MVB12B: variants seen among roughly 807,000 people sequenced by gnomAD.
The protein encoded by MVB12B is ESCRT-I complex subunit MVB12B.
A neutral mutation model predicts 41.6 loss-of-function variants in MVB12B; 16 were observed. The ratio of observed to expected loss-of-function variants is 0.38; its 90% confidence interval spans 0.26 to 0.58. The LOEUF (loss-of-function observed/expected upper bound fraction) is 0.58, where lower values mean the gene tolerates loss of function less well. Among genes scored for constraint, MVB12B ranks in the 20% least tolerant of loss-of-function variants. The pLI is 0.62. For synonymous variants in MVB12B, 133 were observed against 139.7 expected (o/e 0.95, Z 0.34); for missense variants, 274 against 380.2 (o/e 0.72, Z 2.32).
chr9:126,371,414 C>G (rs1370685656), intron 2 of MVB12B, among the ~76,000 whole-genome samples: 1 of 152,254 alleles, frequency 6.6e-6, no homozygotes, highest in African/African-American at 2.4e-5. Flanking sequence ...GAACTGTCTT[C>G]CCTGCCTGGC....
At chr9:126,409,387 TTGAG>T (rs771243850) in intron 6 of MVB12B, among the ~76,000 whole-genome samples, 5 of 151,208 alleles carry the variant, frequency 3.3e-5, no homozygotes, top group African/African-American at 2.4e-5. Flanking sequence ...CGGTGTTACT[TTGAG>T]TGAGTTTTAT....
chr9:126,474,841 T>C lies in MVB12B; in HGVS notation c.758-6528T>C, dbSNP rs1386890846. On this transcript the variant is annotated intron_variant, in intron 7 of 9. Transcript: ENST00000361171. The stretch of plus-strand genomic sequence containing the variant: ...TCTCCTTTCCCTCACATGGTCTGGC[T>C]TCAGGTTCCCTCACCACTCTGGCCT... Among the ~76,000 whole-genome samples the C allele has an allele frequency of 3.3e-5, 5 of 152,166 alleles. 1 individual carries two copies. Among genetic ancestry groups the C allele is most frequent in the African/African-American group, 1.2e-4 (5 of 41,436 alleles).
intron 7 of MVB12B, among the ~76,000 whole-genome samples, chr9:126,447,864 G>T (rs1832813744): frequency 6.6e-6 from 1 of 152,172 alleles, no homozygotes; most frequent in Non-Finnish European, 1.5e-5. Flanking sequence ...AGGCCATGAA[G>T]GTTTATGACG....
At chr9:126,357,842 AT>A (rs912478164) in intron 2 of MVB12B, among the ~76,000 whole-genome samples, 1 of 151,500 alleles carries the variant, frequency 6.6e-6, no homozygotes, top group East Asian at 1.9e-4. Flanking sequence ...AGTCTAGTTT[AT>A]TTTTTTTCTT....
chr9:126,445,079 A>G (rs1295180972), intron 7 of MVB12B, among the ~76,000 whole-genome samples: 1 of 152,220 alleles, frequency 6.6e-6, no homozygotes, highest in African/African-American at 2.4e-5. Flanking sequence ...TTAAGTTCCA[A>G]GGAAAATACT....
intron 7 of MVB12B, among the ~76,000 whole-genome samples, chr9:126,427,403 G>A (rs1832212209): frequency 6.6e-6 from 1 of 152,104 alleles, no homozygotes; most frequent in South Asian, 2.1e-4. Context: ...GCTCACAGCT[G>A]CCCCAGAGGC....
At chr9:126,399,621 G>A (rs1027221894) in intron 6 of MVB12B, among the ~76,000 whole-genome samples, 2 of 152,180 alleles carry the variant, frequency 1.3e-5, no homozygotes, top group African/African-American at 4.8e-5. Flanking sequence ...GCTGCTGCTG[G>A]GACAGAGGTT....
chr9:126,381,179 T>C lies in MVB12B; in HGVS notation c.312+8T>C. The stretch of plus-strand genomic sequence containing the variant: ...TCATTTTCCAAAGAAAATGTAAGTC[T>C]AGTCGTAGTTTCCATTTGCTGAGTG... On this transcript the variant is annotated splice_region_variant and intron_variant, in intron 3 of 9. Coordinates refer to ENST00000361171, the MANE Select transcript of MVB12B (RefSeq NM_033446.3). 6.3e-7 allele frequency: 1 copy of C among 1,587,364 alleles called. No homozygotes were observed. The highest frequency in any genetic ancestry group is 8.6e-7 in the Non-Finnish European group (1 of 1,156,270).
intron 7 of MVB12B, among the ~76,000 whole-genome samples, chr9:126,430,664 G>A (rs1177226371): frequency 2.0e-5 from 3 of 151,394 alleles, no homozygotes; most frequent in East Asian, 2.0e-4. Flanking sequence ...AACAGTCACC[G>A]AGAGCTGCCC....
chr9:126,488,534 C>G (rs1182892481), intron 9 of MVB12B, among the ~76,000 whole-genome samples: 1 of 152,132 alleles, frequency 6.6e-6, no homozygotes, highest in Non-Finnish European at 1.5e-5. Flanking sequence ...TGCTTCCCTT[C>G]AGGATCCCTC....
chr9:126,497,593 C>T (rs775749019), intron 9 of MVB12B, among the ~76,000 whole-genome samples: 5 of 152,146 alleles, frequency 3.3e-5, no homozygotes, highest in Non-Finnish European at 7.4e-5. Flanking sequence ...TACAGGGCCT[C>T]GCTTTCAAAG....
At chr9:126,499,951 C>A (rs1013768593) in intron 9 of MVB12B, among the ~76,000 whole-genome samples, 1 of 152,020 alleles carries the variant, frequency 6.6e-6, no homozygotes, top group South Asian at 2.1e-4. Flanking sequence ...CTCCTGGCCA[C>A]AGAGACTGGG....
rs1831099260 is a variant in MVB12B at position 126,395,898 on chromosome 9, T to C, written c.662+201T>C. ...CATGAATGCAAAGGCCATTCTATAG[T>C]CTATTTTGTGCGTGTTCTGCAGGCT... On this transcript the variant is annotated intron_variant, in intron 6 of 9. Coordinates refer to ENST00000361171, the MANE Select transcript of MVB12B (RefSeq NM_033446.3). The surrounding 1 kb of genome is among the most constrained non-coding windows in gnomAD (Gnocchi z 4.9). 1 of 1,396,402 alleles carries C rather than the reference T, an allele frequency of 7.2e-7. No homozygotes were observed. The highest frequency in any genetic ancestry group is 9.3e-7 in the Non-Finnish European group (1 of 1,078,638). 86.5% of individuals were successfully genotyped at this position (1,396,402 alleles called of 1,614,324 possible).
intron 7 of MVB12B, among the ~76,000 whole-genome samples, chr9:126,471,442 T>G (rs1265827931): frequency 1.3e-5 from 2 of 152,192 alleles, no homozygotes; most frequent in Non-Finnish European, 2.9e-5. Context: ...GGCTGATAAA[T>G]CACTCCTTTT....
chr9:126,406,821 CCTTT>C lies in MVB12B; in HGVS notation c.662+11128_662+11131del, dbSNP rs373409748. On this transcript the variant is annotated intron_variant, in intron 6 of 9. Transcript: ENST00000361171. ...TTGCTGTGGCTATGAAAGTTAGTTT[CCTTT>C]CTTCATCTTTTTTTTTTTATTAAGT... 1.9e-3 allele frequency among the ~76,000 whole-genome samples: 292 copies of C among 151,430 alleles called. 2 individuals carry two copies. In the Middle Eastern group the frequency reaches 0.034, roughly 18 times the overall value.
intron 7 of MVB12B, among the ~76,000 whole-genome samples, chr9:126,474,107 G>C (rs1469170874): frequency 6.6e-6 from 1 of 152,188 alleles, no homozygotes; most frequent in Non-Finnish European, 1.5e-5. Context: ...AGTGCAGACT[G>C]GTCAGGCAGC....
rs142356117 is a variant in MVB12B at position 126,496,589 on chromosome 9, C to T, written c.874-6588C>T. Reference sequence around the variant, plus strand: ...ATAGAAAGTGTTGTTGTGGTCCGTTCTCCCCGGGGAAGGAACACGCTTCCC... The same window carrying T: ...ATAGAAAGTGTTGTTGTGGTCCGTTTTCCCCGGGGAAGGAACACGCTTCCC... On this transcript the variant is annotated intron_variant, in intron 9 of 9. Transcript: ENST00000361171. 9.4e-3 allele frequency among the ~76,000 whole-genome samples: 1,436 copies of T among 152,082 alleles called. 13 individuals are homozygous for T. The highest frequency in any genetic ancestry group is 0.015 in the Non-Finnish European group (1,000 of 67,994).
chr9:126,440,893 G>A (rs982315969), intron 7 of MVB12B, among the ~76,000 whole-genome samples: 13 of 152,250 alleles, frequency 8.5e-5, no homozygotes, highest in African/African-American at 3.1e-4. Flanking sequence ...GCCATAACTA[G>A]CTAATAACAG....
At chr9:126,445,587 G>A (rs1366795877) in intron 7 of MVB12B, among the ~76,000 whole-genome samples, 1 of 152,164 alleles carries the variant, frequency 6.6e-6, no homozygotes, top group Non-Finnish European at 1.5e-5. Flanking sequence ...ACAGGCGTGA[G>A]CCACCGCACC....
Sources: gnomAD v4.1 joint callset for allele counts (sites outside exome capture counted in the v4.1 genomes callset) on GRCh38, gnomAD v4.1.1 for gene constraint, Gnocchi (gnomAD v3.1) non-coding constraint, MANE v1.5 for transcripts, NCBI Gene and HGNC (gene_info 2026-07-23, HGNC 2026-07-21) for gene names.